Variants in ADCY8 observed in about 807,000 individuals in gnomAD.
ADCY8 encodes adenylate cyclase type 8.
Under a neutral mutation model 119.7 loss-of-function variants are expected in ADCY8, and 51 were observed. The observed-to-expected ratio is 0.43, with a 90% CI of 0.34 to 0.54. The LOEUF (loss-of-function observed/expected upper bound fraction) is 0.54, where lower values mean the gene tolerates loss of function less well. Ranked by LOEUF, ADCY8 falls within the 20% of genes least tolerant of loss-of-function variation. The pLI is 0.03. For missense variants in ADCY8, 1,383 were observed against 1,598.8 expected (o/e 0.87, Z 2.30); for synonymous variants, 665 against 651.0 (o/e 1.02, Z -0.33).
At chr8:131,038,782 A>G (rs1824248965) in intron 1 of ADCY8, among the ~76,000 whole-genome samples, 1 of 152,240 alleles carries the variant, frequency 6.6e-6, no homozygotes, top group South Asian at 2.1e-4. Flanking sequence ...TTTGGTCACC[A>G]AGGCAATAAA....
chr8:130,868,638 C>G (rs1472791492), intron 8 of ADCY8, among the ~76,000 whole-genome samples: 1 of 152,196 alleles, frequency 6.6e-6, no homozygotes. Flanking sequence ...CTCTCTTGAA[C>G]TATCTTGGAG....
At chr8:130,921,600 C>T (rs1001492769) in intron 5 of ADCY8, among the ~76,000 whole-genome samples, 34 of 151,738 alleles carry the variant, frequency 2.2e-4, no homozygotes, top group African/African-American at 5.1e-4. Context: ...ATTACAGGCA[C>T]GCACCACCAT....
intron 9 of ADCY8, among the ~76,000 whole-genome samples, chr8:130,863,541 T>A (rs1398287902): frequency 6.6e-6 from 1 of 152,168 alleles, no homozygotes; most frequent in Admixed American, 6.5e-5. Flanking sequence ...TCTTTGTTTG[T>A]TCACCTTGTT....
chr8:130,979,944 G>T (rs1248380109), intron 2 of ADCY8, among the ~76,000 whole-genome samples: 1 of 152,140 alleles, frequency 6.6e-6, no homozygotes, highest in Admixed American at 6.5e-5. Context: ...CACACAATTT[G>T]GTGGTTTAAA....
intron 1 of ADCY8, among the ~76,000 whole-genome samples, chr8:131,019,048 G>T (rs934443104): frequency 6.6e-6 from 1 of 152,124 alleles, no homozygotes; most frequent in African/African-American, 2.4e-5. Context: ...CTACAGAAAT[G>T]CCAGGGACTC....
At chr8:130,849,012 C>G (rs1457301777) in intron 10 of ADCY8, among the ~76,000 whole-genome samples, 2 of 152,148 alleles carry the variant, frequency 1.3e-5, no homozygotes, top group Non-Finnish European at 2.9e-5. Context: ...ATAATACCTA[C>G]CTGTAGCACA....
At chr8:130,846,581 C>CCCTCCCTCCCTTCCGT in intron 11 of ADCY8, among the ~76,000 whole-genome samples, 1 of 124,252 alleles carries the variant, frequency 8.0e-6, no homozygotes, top group African/African-American at 3.4e-5. Context: ...CCCCTTCTTC[C>CCCTCCCTCCCTTCCGT]CCTCCCTCCC....
intron 8 of ADCY8, among the ~76,000 whole-genome samples, chr8:130,882,480 ACGGGAT>A (rs1714745976): frequency 6.6e-6 from 1 of 152,142 alleles, no homozygotes; most frequent in South Asian, 2.1e-4. Flanking sequence ...TGAAGACAGC[ACGGGAT>A]TGTCTTCTTC....
intron 6 of ADCY8, among the ~76,000 whole-genome samples, chr8:130,905,830 A>C (rs1223942162): frequency 6.6e-6 from 1 of 152,212 alleles, no homozygotes; most frequent in South Asian, 2.1e-4. Flanking sequence ...ACTGCACTTC[A>C]TTCTGGAGGA....
At chr8:130,991,809 C>G (rs1822586769) in intron 1 of ADCY8, among the ~76,000 whole-genome samples, 1 of 152,090 alleles carries the variant, frequency 6.6e-6, no homozygotes, top group Non-Finnish European at 1.5e-5. Context: ...GTTCTTACAA[C>G]TTTGCTCAGT....
At chr8:131,005,274 C>T (rs1823078693) in intron 1 of ADCY8, among the ~76,000 whole-genome samples, 3 of 152,168 alleles carry the variant, frequency 2.0e-5, no homozygotes, top group Non-Finnish European at 2.9e-5. Flanking sequence ...CTACAAAATA[C>T]TTAGTATTTG....
chr8:130,817,732 G>A (rs966517889), intron 13 of ADCY8, among the ~76,000 whole-genome samples: 4 of 152,130 alleles, frequency 2.6e-5, no homozygotes, highest in African/African-American at 9.7e-5. Flanking sequence ...TGATGCTAGG[G>A]AAAAAACTTA....
intron 11 of ADCY8, 40 bp from the exon 12 acceptor site, chr8:130,836,489 C>T: frequency 6.3e-7 from 1 of 1,592,998 alleles, no homozygotes. Flanking sequence ...TCAATGGGGG[C>T]AGCAGTTCCC....
chr8:130,922,241 T>G (rs1322642289), intron 5 of ADCY8, among the ~76,000 whole-genome samples: 11 of 150,236 alleles, frequency 7.3e-5, no homozygotes, highest in Admixed American at 4.6e-4. Context: ...TGATCATTCT[T>G]GGGTGTTTCT....
chr8:130,783,755 G>T lies in ADCY8; in HGVS notation c.3204C>A (p.Leu1068=), dbSNP rs56260939. The T allele has an allele frequency of 5.0e-6, 8 of 1,613,888 alleles. No homozygotes were observed. The highest frequency in any genetic ancestry group is 6.8e-6 in the Non-Finnish European group (8 of 1,179,868). ...TCTCCTGTATGCTTTCTGTCAGGGC[G>T]AGTGAGAAGTCAGCCAGAGCACACA... is the stretch of plus-strand genomic sequence containing the variant. ...GHLCALADFS[L]ALTESIQEIN... is the part of the protein sequence containing the mutation. Residue 1068 remains leucine, a synonymous_variant, in exon 17 of 18, where the codon CTC becomes CTA. Transcript: ENST00000286355.
chr8:130,944,693 A>T (rs1821057112), intron 3 of ADCY8, among the ~76,000 whole-genome samples: 1 of 152,162 alleles, frequency 6.6e-6, no homozygotes, highest in Non-Finnish European at 1.5e-5. Flanking sequence ...ACTTAAAGGG[A>T]TTTTTACCTT....
intron 12 of ADCY8, among the ~76,000 whole-genome samples, chr8:130,824,054 T>A (rs1291673714): frequency 6.6e-6 from 1 of 152,156 alleles, no homozygotes; most frequent in African/African-American, 2.4e-5. Context: ...GGAGTAGTCA[T>A]TTTCCCAAGG....
intron 1 of ADCY8, among the ~76,000 whole-genome samples, chr8:130,993,816 G>A (rs1822679783): frequency 6.6e-6 from 1 of 152,104 alleles, no homozygotes; most frequent in Non-Finnish European, 1.5e-5. Flanking sequence ...TCAACCTCAT[G>A]AAAACGGACT....
At chr8:130,873,360 C>T (rs1221389287) in intron 8 of ADCY8, among the ~76,000 whole-genome samples, 1 of 152,060 alleles carries the variant, frequency 6.6e-6, no homozygotes, top group Non-Finnish European at 1.5e-5. Context: ...CTCTTCTTGC[C>T]CAGGCTGCAA....
Sources: gnomAD v4.1 joint callset for allele counts (sites outside exome capture counted in the v4.1 genomes callset) on GRCh38, gnomAD v4.1.1 for gene constraint, MANE v1.5 for transcripts, NCBI Gene and HGNC (gene_info 2026-07-23, HGNC 2026-07-21) for gene names.